Variants in SNX25 observed in about 807,000 individuals in gnomAD.
SNX25 encodes the protein sorting nexin 25.
SNX25 carries 62 observed loss-of-function variants against 113.7 expected under a neutral mutation model. That is an observed-to-expected ratio of 0.55 (90% CI 0.44 to 0.67). The LOEUF (loss-of-function observed/expected upper bound fraction) is 0.67. Among genes scored for constraint, SNX25 ranks in the 30% least tolerant of loss-of-function variants. SNX25 has a pLI of 0.00. For synonymous variants in SNX25, 421 were observed against 436.2 expected, an observed-to-expected ratio of 0.97 and a Z score of 0.43; for missense variants, 1,014 against 1,161.0, an observed-to-expected ratio of 0.87 and a Z score of 1.84.
At chr4:185,234,080 G>T (rs575180383) in intron 1 of SNX25, among the ~76,000 whole-genome samples, 1 of 152,058 alleles carries the variant, frequency 6.6e-6, no homozygotes, top group East Asian at 1.9e-4. Context: ...GGATGGTCTC[G>T]ATCTCCTGAC....
chr4:185,367,693 T>C (rs1391703527), downstream of SNX25, among the ~76,000 whole-genome samples: 2 of 152,170 alleles, frequency 1.3e-5, no homozygotes, highest in Admixed American at 1.3e-4. Context: ...TGTCAACAAT[T>C]TGGGATATAG....
downstream of SNX25, chr4:185,370,583 A>T: frequency 6.4e-7 from 1 of 1,559,884 alleles, no homozygotes. Flanking sequence ...TTCAAGTTGC[A>T]GCTAAAAGCC....
At chr4:185,285,949 T>A (rs879877017) in intron 5 of SNX25, among the ~76,000 whole-genome samples, 1 of 151,608 alleles carries the variant, frequency 6.6e-6, no homozygotes, top group Non-Finnish European at 1.5e-5. Context: ...ATTTTTTTTT[T>A]TTATTTTTAG....
intron 7 of SNX25, among the ~76,000 whole-genome samples, chr4:185,314,815 G>A (rs1372237718): frequency 3.5e-5 from 5 of 141,494 alleles, no homozygotes; most frequent in African/African-American, 1.1e-4. Flanking sequence ...CCGAGATCAC[G>A]CCACTGCACT....
At chr4:185,241,608 T>C (rs1477337052) in intron 1 of SNX25, among the ~76,000 whole-genome samples, 1 of 141,350 alleles carries the variant, frequency 7.1e-6, no homozygotes, top group East Asian at 2.1e-4. Flanking sequence ...TATTTTTTTT[T>C]TTACAGGATA....
At chr4:185,362,532 T>C in intron 17 of SNX25, 79 bp from the exon 18 acceptor site, 1 of 1,362,068 alleles carries the variant, frequency 7.3e-7, no homozygotes, top group Non-Finnish European at 1.0e-6. Flanking sequence ...AGGTGTATAA[T>C]GTTGTATTCC....
intron 1 of SNX25, among the ~76,000 whole-genome samples, chr4:185,241,351 G>A (rs1195904342): frequency 8.6e-5 from 13 of 151,726 alleles, no homozygotes; most frequent in South Asian, 4.2e-4. Context: ...GGCGGCGCGC[G>A]CCTGCAATCG....
At chr4:185,359,859 A>G (rs534009395) in intron 16 of SNX25, among the ~76,000 whole-genome samples, 58 of 152,316 alleles carry the variant, frequency 3.8e-4, no homozygotes, top group African/African-American at 1.4e-3. Context: ...AGTAATTTTC[A>G]CAGGGATGGA....
intron 16 of SNX25, 123 bp downstream of exon 16, chr4:185,357,860 T>A: frequency 1.2e-6 from 1 of 813,392 alleles, no homozygotes; most frequent in Non-Finnish European, 2.0e-6. Flanking sequence ...TCACTTTTCG[T>A]TTCTGATATG....
At chr4:185,260,535 A>G (rs1433719432) in intron 3 of SNX25, among the ~76,000 whole-genome samples, 2 of 152,192 alleles carry the variant, frequency 1.3e-5, no homozygotes, top group Non-Finnish European at 2.9e-5. Flanking sequence ...AGGAGAGCCA[A>G]CATTTGCCAG....
chr4:185,315,798 A>G (rs942183718), intron 7 of SNX25, among the ~76,000 whole-genome samples: 1 of 152,240 alleles, frequency 6.6e-6, no homozygotes, highest in African/African-American at 2.4e-5. Context: ...ATACTGGTAA[A>G]TCAGATTCAA....
upstream of SNX25, among the ~76,000 whole-genome samples, chr4:185,204,842 C>T (rs919772883): frequency 6.6e-6 from 1 of 152,236 alleles, no homozygotes; most frequent in South Asian, 2.1e-4. Flanking sequence ...GAAACGGATT[C>T]TCTCCTGAAA....
intron 5 of SNX25, among the ~76,000 whole-genome samples, chr4:185,276,453 G>A (rs914002449): frequency 2.0e-5 from 3 of 152,296 alleles, no homozygotes; most frequent in South Asian, 4.2e-4. Context: ...GGTCGGAACC[G>A]TTTTAAAGCC....
intron 12 of SNX25, among the ~76,000 whole-genome samples, chr4:185,345,890 C>G (rs2095283559): frequency 6.6e-6 from 1 of 152,064 alleles, no homozygotes; most frequent in Non-Finnish European, 1.5e-5. Flanking sequence ...CTGGGTCTCA[C>G]TCTGTCTCCC....
intron 5 of SNX25, among the ~76,000 whole-genome samples, chr4:185,284,930 C>G (rs943039495): frequency 1.3e-5 from 2 of 151,984 alleles, no homozygotes; most frequent in Non-Finnish European, 2.9e-5. Flanking sequence ...GTATATATAC[C>G]TAAGATGATT....
intron 6 of SNX25, among the ~76,000 whole-genome samples, chr4:185,300,303 C>T (rs376714513): frequency 2.0e-5 from 3 of 151,480 alleles, no homozygotes; most frequent in East Asian, 1.9e-4. Flanking sequence ...GGATTACAGG[C>T]GCCTGCCCCC....
At chr4:185,204,484 A>G (rs1737099167) in intron 1 of SNX25, 1 of 152,248 alleles carries the variant, frequency 6.6e-6, no homozygotes, top group African/African-American at 2.4e-5. Flanking sequence ...AGTTAAAACA[A>G]TCTAAGGTAA....
At chr4:185,305,554 T>A (rs904728459) in intron 6 of SNX25, among the ~76,000 whole-genome samples, 4 of 152,226 alleles carry the variant, frequency 2.6e-5, no homozygotes, top group Non-Finnish European at 4.4e-5. Flanking sequence ...TAGATGTTGC[T>A]GTTTTTGTTT....
Position 185,222,873 on chromosome 4 carries a change from C to T in SNX25, c.429+12618C>T, listed in dbSNP as rs112207273. ...GGCAGCTTGCTTAAGGGAGAAGTCT[C>T]TTCATCTGAAAAAAGGATATAATAA... On this transcript the variant is annotated intron_variant, in intron 1 of 18. Transcript: ENST00000652585. 7.1e-3 allele frequency among the ~76,000 whole-genome samples: 1,079 copies of T among 152,208 alleles called. 4 individuals carry two copies. The highest frequency in any genetic ancestry group is 0.021 in the South Asian group (103 of 4,824).
Sources: gnomAD v4.1 joint callset for allele counts (sites outside exome capture counted in the v4.1 genomes callset) on GRCh38, gnomAD v4.1.1 for gene constraint, MANE v1.5 for transcripts, NCBI Gene and HGNC (gene_info 2026-07-23, HGNC 2026-07-21) for gene names.